PDE1A: variants seen among roughly 807,000 people sequenced by gnomAD.
The protein encoded by PDE1A is phosphodiesterase 1A, also known as dual specificity calcium/calmodulin-dependent 3',5'-cyclic nucleotide phosphodiesterase 1A.
In PDE1A, 35 loss-of-function variants were observed where a neutral mutation model predicts 61.7. That is an observed-to-expected ratio of 0.57 (90% CI 0.43 to 0.75). PDE1A has a LOEUF of 0.75. Among genes scored for constraint, PDE1A ranks in the 30% least tolerant of loss-of-function variants. The pLI is 0.00. For synonymous variants in PDE1A, 232 were observed against 213.2 expected (o/e 1.09, Z -0.77); for missense variants, 597 against 630.6 (o/e 0.95, Z 0.57).
intron 13 of PDE1A, among the ~76,000 whole-genome samples, chr2:182,160,729 G>A (rs377087094): frequency 6.6e-6 from 1 of 152,082 alleles, no homozygotes; most frequent in Non-Finnish European, 1.5e-5. Context: ...GCCTATCGTG[G>A]TGAGACTTTG....
At chr2:182,630,051 T>C in the PDE1A span, among the ~76,000 whole-genome samples, 1 of 152,204 alleles carries the variant, frequency 6.6e-6, no homozygotes, top group Non-Finnish European at 1.5e-5. Flanking sequence ...CCCATTTTTC[T>C]ATTGGATGAT....
rs532591420 is a variant in PDE1A at position 182,211,653 on chromosome 2, A to T, written c.777-5588T>A. Among the ~76,000 whole-genome samples the T allele has an allele frequency of 3.3e-5, 5 of 152,326 alleles. No homozygotes were observed. In the South Asian group the frequency reaches 1.0e-3, roughly 32 times the overall value. On this transcript the variant is annotated intron_variant, in intron 7 of 13. Transcript: ENST00000351439. ...TTGAGTCTATCTATGAACATGAAAT[A>T]TCTGTCCCTGTATTACTTATTTCAT...
intron 1 of PDE1A, among the ~76,000 whole-genome samples, chr2:182,321,251 G>A (rs1212261790): frequency 1.3e-5 from 2 of 152,118 alleles, no homozygotes; most frequent in Non-Finnish European, 2.9e-5. Context: ...TGAGATCACA[G>A]CCAGAATTTT....
chr2:182,209,597 T>A (rs1292538047), intron 7 of PDE1A, among the ~76,000 whole-genome samples: 1 of 151,636 alleles, frequency 6.6e-6, no homozygotes, highest in Non-Finnish European at 1.5e-5. Flanking sequence ...TAGAGGGACC[T>A]GGTAGGAGGT....
chr2:182,668,413 T>G, the PDE1A span, among the ~76,000 whole-genome samples: 1 of 151,890 alleles, frequency 6.6e-6, no homozygotes, highest in African/African-American at 2.4e-5. Context: ...TCAACTTCAC[T>G]TCAGTGGAGA....
intron 2 of PDE1A, among the ~76,000 whole-genome samples, chr2:182,503,282 T>G (rs1054767521): frequency 1.3e-5 from 2 of 152,164 alleles, no homozygotes; most frequent in Non-Finnish European, 2.9e-5. Flanking sequence ...ATTTTTAATT[T>G]TGTCCTTCCT....
At chr2:182,700,753 A>AAAG in the PDE1A span, among the ~76,000 whole-genome samples, 94 of 143,214 alleles carry the variant, frequency 6.6e-4, 1 homozygote, top group African/African-American at 2.4e-3. Context: ...GAAAGAAAAG[A>AAAG]AAAAGAAAAA....
At chr2:182,252,487 A>G (rs1173900071) in intron 2 of PDE1A, among the ~76,000 whole-genome samples, 2 of 152,168 alleles carry the variant, frequency 1.3e-5, no homozygotes, top group Non-Finnish European at 2.9e-5. Context: ...AAAAGATAAT[A>G]GAAGAATATG....
intron 6 of PDE1A, among the ~76,000 whole-genome samples, chr2:182,228,119 G>T (rs554440277): frequency 7.6e-4 from 115 of 152,204 alleles, no homozygotes; most frequent in Non-Finnish European, 1.5e-3. Context: ...TTAGCAAATG[G>T]ACTGAGTTAC....
intron 13 of PDE1A, among the ~76,000 whole-genome samples, chr2:182,170,463 AAGCAATTATGC>A: frequency 6.6e-6 from 1 of 151,616 alleles, no homozygotes; most frequent in East Asian, 1.9e-4. Flanking sequence ...AGATTTGATG[AAGCAATTATGC>A]TAGTCTTTGG....
At chr2:182,593,293 G>T in the PDE1A span, among the ~76,000 whole-genome samples, 1 of 152,166 alleles carries the variant, frequency 6.6e-6, no homozygotes, top group Non-Finnish European at 1.5e-5. Flanking sequence ...CAAACCTAGG[G>T]ATTAAACTGG....
At chr2:182,413,239 G>T (rs527544591) in intron 1 of PDE1A, among the ~76,000 whole-genome samples, 1 of 152,122 alleles carries the variant, frequency 6.6e-6, no homozygotes, top group South Asian at 2.1e-4. Context: ...AAGGGCCATG[G>T]CAAATTACAA....
At position 182,257,441 on chromosome 2, in the gene PDE1A, G is replaced by T. The variant is rs541957693; in HGVS notation, c.167+6860C>A. ...TCTTTTGTTTTATAAAAAATACTTT[G>T]AATAGGTCTTTTAGTTACACTAAAA... On this transcript the variant is annotated intron_variant, in intron 2 of 13. Transcript: ENST00000351439. Among the ~76,000 whole-genome samples, 76 of 152,216 alleles carry T rather than the reference G, an allele frequency of 5.0e-4. No individual in the cohort carries two copies. In the South Asian group the frequency reaches 0.016, roughly 31 times the overall value.
exon 3 of PDE1A, chr2:182,240,271 A>G (rs748518086): frequency 6.3e-7 from 1 of 1,597,770 alleles, no homozygotes; most frequent in Non-Finnish European, 8.5e-7. Flanking sequence ...CACTGAGCTC[A>G]TCTTCAGTAT....
the PDE1A span, among the ~76,000 whole-genome samples, chr2:182,553,755 C>A: frequency 6.6e-6 from 1 of 152,184 alleles, no homozygotes; most frequent in Non-Finnish European, 1.5e-5. Flanking sequence ...TAGGCATTTT[C>A]TAGATGGAAA....
the PDE1A span, among the ~76,000 whole-genome samples, chr2:182,705,141 T>C: frequency 1.3e-5 from 2 of 152,236 alleles, no homozygotes; most frequent in African/African-American, 4.8e-5. Context: ...CCAGGTGTCC[T>C]GAAGGGCCAA....
the PDE1A span, among the ~76,000 whole-genome samples, chr2:182,543,678 C>A: frequency 1.3e-5 from 2 of 151,506 alleles, no homozygotes; most frequent in Admixed American, 6.6e-5. Context: ...GGAAACAGTT[C>A]TTTTAGAAAT....
the PDE1A span, among the ~76,000 whole-genome samples, chr2:182,585,107 TATAAATTGGCAGGA>T: frequency 2.0e-5 from 3 of 152,188 alleles, no homozygotes; most frequent in Non-Finnish European, 4.4e-5. Context: ...AAGAACTGGA[TATAAATTGGCAGGA>T]ATTGCATTTC....
chr2:182,630,781 C>T, the PDE1A span, among the ~76,000 whole-genome samples: 1 of 152,000 alleles, frequency 6.6e-6, no homozygotes, highest in Non-Finnish European at 1.5e-5. Flanking sequence ...GGGATGAATC[C>T]AGCATCAGCT....
Sources: allele counts gnomAD v4.1 joint callset (sites outside exome capture counted in the v4.1 genomes callset), GRCh38; gene constraint gnomAD v4.1.1; transcripts MANE v1.5; gene names NCBI Gene and HGNC (gene_info 2026-07-23, HGNC 2026-07-21).